The following NKAIN4 variants were observed in gnomAD, a reference collection of about 807,000 sequenced individuals.
NKAIN4 encodes the protein sodium/potassium-transporting ATPase subunit beta-1-interacting protein 4.
In NKAIN4, 28 loss-of-function variants were observed where a neutral mutation model predicts 28.8. The ratio of observed to expected loss-of-function variants is 0.97; its 90% CI spans 0.72 to 1.33. The LOEUF is 1.33. Ranked by LOEUF, NKAIN4 falls within the 40% of genes most tolerant of loss-of-function variation. The probability of loss-of-function intolerance (pLI) is 0.00; values close to 1 mark genes in which losing one functional copy is unlikely to be tolerated. For synonymous variants in NKAIN4, 122 were observed against 115.6 expected (o/e 1.06, Z -0.36); for missense variants, 289 against 277.2 (o/e 1.04, Z -0.30).
At chr20:63,246,514 G>T (rs1011738231) in intron 4 of NKAIN4, 3 of 985,408 alleles carry the variant, frequency 3.0e-6, no homozygotes, top group Non-Finnish European at 3.6e-6. Context: ...GGGAGCTCAC[G>T]AGGCCACCCG....
rs562245210 is a variant in NKAIN4 at position 63,247,076 on chromosome 20, T to C, written c.471+502A>G. ...CCTGTCCGGTCAGACCTGGGTCACG[T>C]GGCGCCAGCCTTGCCAGATGCATAC... On this transcript the variant is annotated intron_variant, in intron 4 of 6. Coordinates refer to ENST00000370316, the MANE Select transcript of NKAIN4 (RefSeq NM_152864.4). 1.3e-4 allele frequency: 134 copies of C among 1,025,550 alleles called. 1 individual carries two copies. The South Asian group carries it at 4.4e-3, about 34-fold the overall frequency. 63.5% of individuals were successfully genotyped at this position (1,025,550 alleles called of 1,614,324 possible). A position where few individuals can be genotyped will look rare whatever the true frequency, so the allele number is the denominator to read the frequency against.
upstream of NKAIN4, chr20:63,254,883 G>A (rs2067023607): frequency 6.3e-6 from 1 of 159,296 alleles, no homozygotes; most frequent in Admixed American, 6.5e-5. Context: ...TCCCCGTGTG[G>A]GGTCTGAGCG....
chr20:63,246,624 C>T (rs557416247), intron 4 of NKAIN4: 1 of 985,342 alleles, frequency 1.0e-6, no homozygotes, highest in South Asian at 4.7e-5. Context: ...AGCCCCAGGT[C>T]CACCTGGTGT....
intron 1 of NKAIN4, chr20:63,254,029 G>A: frequency 8.4e-6 from 2 of 238,928 alleles, no homozygotes; most frequent in Non-Finnish European, 1.7e-5. Flanking sequence ...AGAGACAGGC[G>A]CGCACCCGGG....
chr20:63,254,538 C>A (rs1277090884), upstream of NKAIN4: 2 of 941,770 alleles, frequency 2.1e-6, no homozygotes, highest in Non-Finnish European at 1.4e-6. Flanking sequence ...GCAGCCTGGA[C>A]CCCGCCCCCT....
chr20:63,247,015 C>T, intron 4 of NKAIN4: 1 of 1,002,664 alleles, frequency 1.0e-6, no homozygotes, highest in Non-Finnish European at 1.2e-6. Context: ...GCACAAGCAA[C>T]AGCTGCTCCT....
At chr20:63,243,426 C>A (rs1037249542) in intron 5 of NKAIN4, among the ~76,000 whole-genome samples, 3 of 152,206 alleles carry the variant, frequency 2.0e-5, no homozygotes, top group Admixed American at 2.0e-4. Flanking sequence ...GAACCAGGAC[C>A]CCTGGGCACA....
At chr20:63,253,452 C>G in intron 1 of NKAIN4, 1 of 985,538 alleles carries the variant, frequency 1.0e-6, no homozygotes, top group Non-Finnish European at 1.2e-6. Flanking sequence ...GAGGGTTTCG[C>G]TGCTCAAAAC....
At position 63,244,273 on chromosome 20, in the gene NKAIN4, C is replaced by T. The variant is rs150739991; in HGVS notation, c.472-189G>A. Among the ~76,000 whole-genome samples the T allele has an allele frequency of 4.9e-3, 751 of 152,320 alleles. 4 individuals carry two copies. Among genetic ancestry groups the T allele is most frequent in the Middle Eastern group, 0.027 (8 of 294 alleles). ...GTGGGTATCCTCAGCTCTCAAGCTCCGGACGCACCCCTGCCTTCCACCCCA... is the reference window on the plus strand; with the variant it reads ...GTGGGTATCCTCAGCTCTCAAGCTCTGGACGCACCCCTGCCTTCCACCCCA... On this transcript the variant is annotated intron_variant, in intron 4 of 6. Coordinates refer to ENST00000370316, the MANE Select transcript of NKAIN4 (RefSeq NM_152864.4).
rs1202284992 is a variant in NKAIN4, at chr20:63,248,949, G to A, written c.193-54C>T. 1.1e-5 allele frequency: 14 copies of A among 1,234,990 alleles called. No individual in the cohort carries two copies. In the Admixed American group the frequency reaches 1.4e-4, roughly 12 times the overall value. The allele number at this position is 1,234,990 out of a possible 1,614,324, so 76.5% of individuals were successfully genotyped here. On this transcript the variant is annotated intron_variant, in intron 2 of 6. Coordinates refer to ENST00000370316, the MANE Select transcript of NKAIN4 (RefSeq NM_152864.4). The stretch of plus-strand genomic sequence containing the variant: ...CTGAACACAGCTCCCGGGCACACCT[G>A]CTTGCATCCAGCCCCCGGGGGAAGG...
intron 4 of NKAIN4, 129 bp from the exon 5 acceptor site, chr20:63,244,213 T>G: frequency 1.3e-6 from 1 of 752,090 alleles, no homozygotes; most frequent in Non-Finnish European, 2.2e-6. Flanking sequence ...GACCTCAGGT[T>G]CCTCCTCTGT....
chr20:63,253,360 C>T (rs1403434138), intron 1 of NKAIN4: 11 of 985,280 alleles, frequency 1.1e-5, no homozygotes, highest in African/African-American at 5.2e-5. Flanking sequence ...GGACACGATG[C>T]CTCCGCCGTC....
At chr20:63,244,451 G>A (rs769773185) in intron 4 of NKAIN4, 13 of 485,678 alleles carry the variant, frequency 2.7e-5, no homozygotes, top group South Asian at 1.5e-4. Context: ...CCAGCCCTGC[G>A]TCCCCTCGGG....
At chr20:63,254,477 G>A (rs1247304129), upstream of NKAIN4, 2 of 1,299,162 alleles carry the variant, frequency 1.5e-6, no homozygotes, top group African/African-American at 1.6e-5. Context: ...GGAGGCCCCC[G>A]GGTGCCCCGC....
chr20:63,242,795 T>C (rs1160753072), intron 5 of NKAIN4, among the ~76,000 whole-genome samples, 172 bp from the exon 6 acceptor site: 3 of 22,914 alleles, frequency 1.3e-4, no homozygotes, highest in Non-Finnish European at 2.6e-4. Context: ...ACGGGGGGGG[T>C]GGGACACCCG....
At chr20:63,246,194 C>A (rs6062860) in intron 4 of NKAIN4, among the ~76,000 whole-genome samples, 1 of 152,206 alleles carries the variant, frequency 6.6e-6, no homozygotes, top group African/African-American at 2.4e-5. Context: ...TCCCAAAGTG[C>A]TGGGATTACA....
intron 1 of NKAIN4, among the ~76,000 whole-genome samples, chr20:63,251,718 T>C (rs6122413): frequency 0.29 from 44,753 of 152,158 alleles, 7,697 homozygotes; most frequent in East Asian, 0.54. Context: ...GAGTAATTGC[T>C]ACAAACTAAT....
At chr20:63,242,811 T>A (rs1308966777) in intron 5 of NKAIN4, among the ~76,000 whole-genome samples, 188 bp from the exon 6 acceptor site, 4 of 127,998 alleles carry the variant, frequency 3.1e-5, no homozygotes, top group African/African-American at 1.2e-4. Flanking sequence ...ACCCGGGTCC[T>A]CGGCCTGTGC....
upstream of NKAIN4, chr20:63,254,575 G>A: frequency 1.9e-6 from 1 of 524,624 alleles, no homozygotes; most frequent in Non-Finnish European, 2.5e-6. Flanking sequence ...CCTCCTCCCC[G>A]CAACCCCCGG....
Sources: allele counts gnomAD v4.1 joint callset (sites outside exome capture counted in the v4.1 genomes callset), GRCh38; gene constraint gnomAD v4.1.1; transcripts MANE v1.5; gene names NCBI Gene and HGNC (gene_info 2026-07-23, HGNC 2026-07-21).